Variants in MTMR2 observed in about 807,000 individuals in gnomAD.
MTMR2 encodes the protein myotubularin related protein 2.
In MTMR2, 55 loss-of-function variants were observed where a neutral mutation model predicts 86.9. The observed-to-expected ratio is 0.63, with a 90% CI of 0.51 to 0.79. MTMR2 has a LOEUF of 0.79. Among genes scored for constraint, MTMR2 ranks in the 30% least tolerant of loss-of-function variants. The pLI is 0.00. For synonymous variants in MTMR2, 241 were observed against 266.8 expected, an observed-to-expected ratio of 0.90 and a Z score of 0.94; for missense variants, 659 against 772.3, an observed-to-expected ratio of 0.85 and a Z score of 1.74.
chr11:95,923,988 G>A lies in MTMR2; in HGVS notation c.-34C>T, dbSNP rs964810361. On this transcript the variant is annotated 5_prime_UTR_variant, in exon 1 of 15. Transcript: ENST00000346299. ...AGGGGCAGCACAGGGAAAGGCTGAA[G>A]CAGTCTTCGCGGCTACAGGGCGGGA... The A allele has an allele frequency of 9.0e-6, 14 of 1,551,334 alleles. No individual in the cohort carries two copies. In the Admixed American group the frequency reaches 1.4e-4, roughly 15 times the overall value.
chr11:95,850,788 AC>A (rs1565352123), intron 7 of MTMR2, 39 bp from the exon 8 acceptor site: 1 of 1,595,990 alleles, frequency 6.3e-7, no homozygotes, highest in South Asian at 1.1e-5. Context: ...TTACTATATA[AC>A]TAAAATATTA....
At chr11:95,861,366 T>C (rs2135472752) in intron 5 of MTMR2, among the ~76,000 whole-genome samples, 1 of 150,152 alleles carries the variant, frequency 6.7e-6, no homozygotes, top group East Asian at 1.9e-4. Context: ...TGTGGAACTA[T>C]GTGGTATCCT....
At position 95,844,938 on chromosome 11, in the gene MTMR2, A is replaced by G; in HGVS notation, c.1386+15T>C. Reference sequence around the variant, plus strand: ...AATGCATGTGATATATCCAAAGTCAAGGTTCCTTACTTACTAGTTGAAATC... The same window carrying G: ...AATGCATGTGATATATCCAAAGTCAGGGTTCCTTACTTACTAGTTGAAATC... On this transcript the variant is annotated intron_variant, in intron 11 of 14. Coordinates refer to ENST00000346299, the MANE Select transcript of MTMR2 (RefSeq NM_016156.6). 6.3e-7 allele frequency: 1 copy of G among 1,577,882 alleles called. No homozygotes were observed. The highest frequency in any genetic ancestry group is 8.7e-7 in the Non-Finnish European group (1 of 1,150,096).
intron 1 of MTMR2, among the ~76,000 whole-genome samples, chr11:95,901,196 A>G (rs1036531022): frequency 2.0e-5 from 3 of 152,082 alleles, no homozygotes; most frequent in Non-Finnish European, 1.5e-5. Context: ...ATGATTTTCA[A>G]CCTTCTATCT....
At chr11:95,861,554 G>C (rs903189097) in intron 5 of MTMR2, among the ~76,000 whole-genome samples, 1 of 151,828 alleles carries the variant, frequency 6.6e-6, no homozygotes, top group African/African-American at 2.4e-5. Context: ...CTCCCCAATA[G>C]CTGAGATTAC....
intron 2 of MTMR2, among the ~76,000 whole-genome samples, chr11:95,870,385 T>C (rs1176893180): frequency 1.3e-5 from 2 of 151,968 alleles, no homozygotes; most frequent in Admixed American, 6.6e-5. Flanking sequence ...TAGGGGCAGA[T>C]GGCATGGTCA....
At chr11:95,887,098 CAGA>C (rs1357287753) in intron 2 of MTMR2, among the ~76,000 whole-genome samples, 2 of 152,140 alleles carry the variant, frequency 1.3e-5, no homozygotes, top group Non-Finnish European at 2.9e-5. Context: ...GACAAATATG[CAGA>C]AGATTTTACA....
In MTMR2 at chr11:95,835,200, A is replaced by G; in HGVS notation, c.*90T>C. 7.6e-7 allele frequency: 1 copy of G among 1,313,420 alleles called. No homozygotes were observed. 81.4% of individuals were successfully genotyped at this position (1,313,420 alleles called of 1,614,324 possible). A position where few individuals can be genotyped will look rare whatever the true frequency, so the allele number is the denominator to read the frequency against. ...AAAGTGACTGAACTTTCTCTCATAG[A>G]TGGGTTCTAAATTCCGAAGACTTTC... On this transcript the variant is annotated 3_prime_UTR_variant, in exon 15 of 15. Coordinates refer to ENST00000346299, the MANE Select transcript of MTMR2 (RefSeq NM_016156.6).
At position 95,834,364 on chromosome 11, in the gene MTMR2, T is replaced by C. The variant is rs1477263978; in HGVS notation, c.*926A>G. 5 of 152,144 alleles carry C rather than the reference T, an allele frequency of 3.3e-5. No individual in the cohort carries two copies. The highest frequency in any genetic ancestry group is 1.2e-4 in the African/African-American group (5 of 41,408). 9.4% of individuals were successfully genotyped at this position (152,144 alleles called of 1,614,324 possible). ...TTACAGAATTTGCAAAGGAAAAAAA[T>C]GTAAAATTTGAGCACAGTACTTCTC... On this transcript the variant is annotated 3_prime_UTR_variant, in exon 15 of 15. Transcript: ENST00000346299.
intron 1 of MTMR2, among the ~76,000 whole-genome samples, chr11:95,898,963 T>C (rs1865975772): frequency 6.6e-6 from 1 of 152,190 alleles, no homozygotes; most frequent in Non-Finnish European, 1.5e-5. Context: ...AGCGTACTTA[T>C]AATGCAGTTA....
At chr11:95,851,861 C>T (rs1864034462) in intron 7 of MTMR2, among the ~76,000 whole-genome samples, 1 of 152,104 alleles carries the variant, frequency 6.6e-6, no homozygotes, top group Non-Finnish European at 1.5e-5. Context: ...AGGCAACAGG[C>T]AAGAAAAATG....
rs962065059 is a variant in MTMR2, at chr11:95,865,610, T to C, written c.253A>G (p.Lys85Glu). The change falls in exon 3 of 15, where the codon AAA (lysine) becomes GAA (glutamate). Residue 85 changes from lysine (K) to glutamate (E), a missense_variant. By Grantham distance (56) the Lys-to-Glu change is moderately conservative. Transcript: ENST00000346299. ...EPPLLPGENI[K>E]DMAKDVTYIC... ...AAATACCATTACGGACCCATGTCTT[T>C]AATATTTTCTCCTGGAAGCAAGGGT... 1.9e-6 allele frequency: 3 copies of C among 1,613,552 alleles called. No homozygotes were observed. Among genetic ancestry groups the C allele is most frequent in the Non-Finnish European group, 2.5e-6 (3 of 1,179,492 alleles).
At chr11:95,921,759 T>C (rs972530294) in intron 1 of MTMR2, among the ~76,000 whole-genome samples, 2 of 152,210 alleles carry the variant, frequency 1.3e-5, no homozygotes, top group African/African-American at 2.4e-5. Context: ...CATTCTCTTA[T>C]GGAAAATAGG....
chr11:95,892,937 G>T (rs1346944666), intron 1 of MTMR2, among the ~76,000 whole-genome samples: 1 of 151,908 alleles, frequency 6.6e-6, no homozygotes, highest in Non-Finnish European at 1.5e-5. Context: ...ATGTAACAAC[G>T]CCCAAAGATG....
At chr11:95,918,294 A>G (rs973243824) in intron 1 of MTMR2, among the ~76,000 whole-genome samples, 5 of 152,354 alleles carry the variant, frequency 3.3e-5, no homozygotes, top group African/African-American at 1.2e-4. Context: ...ATGTTAATTC[A>G]GTTAGGTCCA....
chr11:95,886,431 T>A (rs990435375), intron 2 of MTMR2, among the ~76,000 whole-genome samples: 4 of 152,222 alleles, frequency 2.6e-5, no homozygotes, highest in African/African-American at 9.6e-5. Flanking sequence ...TGTAAGCCAG[T>A]CATTCACTAT....
At chr11:95,888,720 TAC>T (rs139869459) in intron 1 of MTMR2, among the ~76,000 whole-genome samples, 65 of 136,292 alleles carry the variant, frequency 4.8e-4, no homozygotes, top group Admixed American at 7.0e-4. Context: ...CACACACACA[TAC>T]ACACACACAC....
intron 1 of MTMR2, 98 bp downstream of exon 1, chr11:95,923,777 G>A (rs1177782166): frequency 2.6e-6 from 4 of 1,510,148 alleles, no homozygotes; most frequent in South Asian, 1.2e-5. Context: ...GTAGCCTTCA[G>A]AAACCAGAAT....
At chr11:95,891,911 C>T (rs1865729760) in intron 1 of MTMR2, among the ~76,000 whole-genome samples, 1 of 152,002 alleles carries the variant, frequency 6.6e-6, no homozygotes, top group Admixed American at 6.6e-5. Flanking sequence ...CATGAGAGAG[C>T]AAGTAAGCAT....
Sources: allele counts gnomAD v4.1 joint callset (sites outside exome capture counted in the v4.1 genomes callset), GRCh38; gene constraint gnomAD v4.1.1; transcripts MANE v1.5; gene names NCBI Gene and HGNC (gene_info 2026-07-23, HGNC 2026-07-21).